SLCO1A2: variants seen among roughly 807,000 people sequenced by gnomAD.
SLCO1A2 encodes the protein solute carrier organic anion transporter family member 1A2.
Under a neutral mutation model 69.0 loss-of-function variants are expected in SLCO1A2, and 67 were observed. The observed-to-expected ratio is 0.97, with a 90% CI of 0.80 to 1.19. SLCO1A2 has a LOEUF of 1.19. Ranked by LOEUF, SLCO1A2 falls within the 50% of genes most tolerant of loss-of-function variation. SLCO1A2 has a pLI of 0.00. For synonymous variants in SLCO1A2, 260 were observed against 265.9 expected (o/e 0.98, Z 0.22); for missense variants, 787 against 793.7 (o/e 0.99, Z 0.10).
chr12:21,319,422 A>G (rs1365088582), intron 2 of SLCO1A2: 1 of 1,367,866 alleles, frequency 7.3e-7, no homozygotes, highest in Non-Finnish European at 9.8e-7. Context: ...TTGGTCAGAA[A>G]CATTCTGCAT....
At chr12:21,282,436 G>C (rs140458572) in intron 12 of SLCO1A2, among the ~76,000 whole-genome samples, 113 of 151,946 alleles carry the variant, frequency 7.4e-4, no homozygotes, top group African/African-American at 2.6e-3. Flanking sequence ...AAAGGAACAT[G>C]GCTCAACATA....
chr12:21,322,646 C>T (rs1190215206), intron 2 of SLCO1A2, among the ~76,000 whole-genome samples: 2 of 151,820 alleles, frequency 1.3e-5, no homozygotes, highest in African/African-American at 2.4e-5. Context: ...TCAGAAACAA[C>T]AGATGTAAAT....
chr12:21,312,569 A>C (rs891006281), intron 4 of SLCO1A2, among the ~76,000 whole-genome samples: 1 of 152,172 alleles, frequency 6.6e-6, no homozygotes, highest in Non-Finnish European at 1.5e-5. Flanking sequence ...CGCTGAGCTT[A>C]ATGATTTCTA....
intron 9 of SLCO1A2, among the ~76,000 whole-genome samples, chr12:21,296,580 C>G (rs1336293387): frequency 6.6e-6 from 1 of 152,128 alleles, no homozygotes; most frequent in Non-Finnish European, 1.5e-5. Flanking sequence ...GAGCCTGTTG[C>G]TGTCAAGTGT....
At chr12:21,379,447 A>T (rs1940444907) in intron 1 of SLCO1A2, 2 of 152,214 alleles carry the variant, frequency 1.3e-5, no homozygotes. Context: ...GTGTTCTATT[A>T]ATCGTGTCTT....
chr12:21,360,725 C>T (rs1448487024), intron 2 of SLCO1A2, among the ~76,000 whole-genome samples: 1 of 152,214 alleles, frequency 6.6e-6, no homozygotes, highest in African/African-American at 2.4e-5. Context: ...GCAAATGGCA[C>T]ACCAGGAGAT....
At chr12:21,277,807 G>C (rs531053029) in intron 12 of SLCO1A2, among the ~76,000 whole-genome samples, 4 of 152,158 alleles carry the variant, frequency 2.6e-5, no homozygotes, top group Non-Finnish European at 5.9e-5. Context: ...TCTGACAGGA[G>C]GCAGAACTCA....
chr12:21,330,368 T>C (rs1195553153), intron 2 of SLCO1A2, among the ~76,000 whole-genome samples: 5 of 151,184 alleles, frequency 3.3e-5, no homozygotes, highest in Non-Finnish European at 7.4e-5. Context: ...TAAAAAAGCT[T>C]GGCTTTGTGG....
intron 12 of SLCO1A2, among the ~76,000 whole-genome samples, chr12:21,287,779 C>T (rs1408798310): frequency 2.7e-5 from 3 of 112,412 alleles, no homozygotes; most frequent in Admixed American, 1.0e-4. Context: ...CCAAACACCG[C>T]ATATTCTCAC....
chr12:21,372,782 T>C (rs1294418423), intron 2 of SLCO1A2: 3 of 156,406 alleles, frequency 1.9e-5, no homozygotes, highest in Admixed American at 1.9e-4. Context: ...TTCTGCTGCC[T>C]GTGAGGTACT....
intron 1 of SLCO1A2, chr12:21,379,227 C>T (rs1404376549): frequency 1.3e-5 from 2 of 152,170 alleles, no homozygotes; most frequent in East Asian, 1.9e-4. Flanking sequence ...GCTCCTGACT[C>T]GGTCAAAATA....
At position 21,297,489 on chromosome 12, in the gene SLCO1A2, A is replaced by G. The variant is rs1194716350; in HGVS notation, c.990T>C (p.Asn330=). The change falls in exon 9 of 15, where the codon AAT becomes AAC. Residue 330 remains asparagine (N), a synonymous_variant. Coordinates refer to ENST00000683939, the MANE Select transcript of SLCO1A2 (RefSeq NM_001386879.1). ...LFILVSVIQF[N]AFVNMISFMP... is the part of the protein sequence containing the mutation. ...TGAAGGAGATCATGTTAACGAATGC[A>G]TTGAACTGTATCACACTTACAAGTA... The G allele has an allele frequency of 1.2e-6, 2 of 1,611,790 alleles. No homozygotes were observed. The highest frequency in any genetic ancestry group is 1.1e-5 in the South Asian group (1 of 90,956).
chr12:21,375,878 G>A (rs572462450), intron 1 of SLCO1A2, among the ~76,000 whole-genome samples: 19 of 152,222 alleles, frequency 1.2e-4, no homozygotes, highest in South Asian at 8.3e-4. Flanking sequence ...TTACTAGCTC[G>A]TATGTTACCT....
At chr12:21,362,814 G>A (rs1021825528) in intron 2 of SLCO1A2, among the ~76,000 whole-genome samples, 2 of 152,138 alleles carry the variant, frequency 1.3e-5, no homozygotes, top group African/African-American at 4.8e-5. Context: ...TTACATAATG[G>A]TAACAGGATC....
chr12:21,280,421 G>A (rs1211642046), intron 12 of SLCO1A2, among the ~76,000 whole-genome samples: 1 of 151,916 alleles, frequency 6.6e-6, no homozygotes, highest in Non-Finnish European at 1.5e-5. Context: ...AAAAGAGCAG[G>A]AGTAGCATTA....
chr12:21,397,358 C>G (rs552249207), upstream of SLCO1A2, among the ~76,000 whole-genome samples: 1 of 152,036 alleles, frequency 6.6e-6, no homozygotes, highest in East Asian at 1.9e-4. Context: ...TACAGGAGCA[C>G]CAAGATTCAT....
upstream of SLCO1A2, among the ~76,000 whole-genome samples, chr12:21,397,100 C>A (rs576950645): frequency 1.4e-4 from 21 of 152,064 alleles, 1 homozygote; most frequent in African/African-American, 4.6e-4. Context: ...GAGTCAAGAC[C>A]CATCAGTGTG....
upstream of SLCO1A2, among the ~76,000 whole-genome samples, chr12:21,397,210 AG>A (rs1188244851): frequency 6.0e-5 from 9 of 150,766 alleles, no homozygotes; most frequent in Non-Finnish European, 7.4e-5. Flanking sequence ...AAAAAAAGGC[AG>A]GGGTTGCAAT....
chr12:21,283,963 G>A (rs1342592938), intron 12 of SLCO1A2, among the ~76,000 whole-genome samples: 4 of 152,124 alleles, frequency 2.6e-5, no homozygotes, highest in Non-Finnish European at 5.9e-5. Flanking sequence ...CTGTTGGTGG[G>A]AATGTAAATA....
Sources: gnomAD v4.1 joint callset for allele counts (sites outside exome capture counted in the v4.1 genomes callset) on GRCh38, gnomAD v4.1.1 for gene constraint, MANE v1.5 for transcripts, NCBI Gene and HGNC (gene_info 2026-07-23, HGNC 2026-07-21) for gene names.